Variants in ABLIM1 observed in about 807,000 individuals in gnomAD.
The protein encoded by ABLIM1 is actin binding LIM protein 1, also known as actin-binding LIM protein 1.
A neutral mutation model predicts 107.0 loss-of-function variants in ABLIM1; 40 were observed. The observed-to-expected ratio is 0.37, with a 90% CI of 0.29 to 0.49. The LOEUF is 0.49. Ranked by LOEUF, ABLIM1 falls within the 20% of genes least tolerant of loss-of-function variation. ABLIM1 has a pLI of 0.97. For synonymous variants in ABLIM1, 357 were observed against 357.3 expected (o/e 1.00, Z 0.01); for missense variants, 857 against 1,008.5 (o/e 0.85, Z 2.04).
intron 8 of ABLIM1, chr10:114,485,392 C>G (rs1440350389): frequency 1.9e-6 from 3 of 1,607,436 alleles, no homozygotes; most frequent in Non-Finnish European, 1.7e-6. Flanking sequence ...TGCCATGAAA[C>G]ATGAGAAAAG....
At chr10:114,678,805 G>A (rs550124417) in intron 1 of ABLIM1, among the ~76,000 whole-genome samples, 46 of 152,258 alleles carry the variant, frequency 3.0e-4, no homozygotes, top group African/African-American at 1.0e-3. Flanking sequence ...GGGTTAGATT[G>A]TCTTTTTATT....
In ABLIM1 at chr10:114,450,065, T is replaced by C. The variant is rs1465568093; in HGVS notation, c.1594+1559A>G. 2.3e-5 allele frequency: 9 copies of C among 385,296 alleles called. No homozygotes were observed. In the Admixed American group the frequency reaches 3.3e-4, roughly 14 times the overall value. The allele number at this position is 385,296 out of a possible 1,614,324, so 23.9% of individuals were successfully genotyped here. A position where few individuals can be genotyped will look rare whatever the true frequency, so the allele number is the denominator to read the frequency against. On this transcript the variant is annotated intron_variant, in intron 14 of 22. Coordinates refer to ENST00000533213, the MANE Select transcript of ABLIM1 (RefSeq NM_002313.7). ...CCTAAAGATAGTATTTTTTAAAGCC[T>C]GTAAGTTGACAAATCAAATGCTGAG...
intron 7 of ABLIM1, among the ~76,000 whole-genome samples, chr10:114,490,834 T>C (rs910826730): frequency 6.6e-6 from 1 of 150,758 alleles, no homozygotes; most frequent in Non-Finnish European, 1.5e-5. Flanking sequence ...TTTTTTGTTT[T>C]TTTTCTTCCT....
At chr10:114,581,713 T>C (rs2073401547) in intron 2 of ABLIM1, among the ~76,000 whole-genome samples, 1 of 152,136 alleles carries the variant, frequency 6.6e-6, no homozygotes, top group Non-Finnish European at 1.5e-5. Flanking sequence ...TCTAGCATGC[T>C]GCCAGGTGGT....
chr10:114,606,219 A>G (rs2140108680), intron 1 of ABLIM1, among the ~76,000 whole-genome samples: 1 of 152,194 alleles, frequency 6.6e-6, no homozygotes, highest in African/African-American at 2.4e-5. Context: ...CAAGCCTGTG[A>G]CAGAGTCCAA....
chr10:114,749,956 A>T (rs780837496), intron 1 of ABLIM1, among the ~76,000 whole-genome samples: 3 of 152,132 alleles, frequency 2.0e-5, no homozygotes, highest in Non-Finnish European at 4.4e-5. Flanking sequence ...CATAGCACCC[A>T]TCACTATCTG....
In ABLIM1 at chr10:114,436,253, G is replaced by C; in HGVS notation, c.*7C>G. 3 of 1,605,730 alleles carry C rather than the reference G, an allele frequency of 1.9e-6. No individual in the cohort carries two copies. Among genetic ancestry groups the C allele is most frequent in the Non-Finnish European group, 1.7e-6 (2 of 1,172,554 alleles). On this transcript the variant is annotated 3_prime_UTR_variant, in exon 23 of 23. Transcript: ENST00000533213. ...TCCTTTCTCTAATTGCCATTCACGA[G>C]TGGGACTTAGAAGAGTTTTGCTTTT...
At chr10:114,602,349 G>A (rs1436357218) in intron 1 of ABLIM1, among the ~76,000 whole-genome samples, 1 of 152,218 alleles carries the variant, frequency 6.6e-6, no homozygotes, top group African/African-American at 2.4e-5. Context: ...TGGACTGTAG[G>A]TCCTTGAAGA....
upstream of ABLIM1, among the ~76,000 whole-genome samples, chr10:114,686,839 C>T (rs112321054): frequency 0.034 from 5,224 of 151,872 alleles, 112 homozygotes; most frequent in Non-Finnish European, 0.055. Flanking sequence ...ATTGCCCAGG[C>T]TGGTCTCAAA....
rs550094003 is a variant in ABLIM1, at chr10:114,720,470, A to ACTAATTTACTTTCC, written c.-213+47577_-213+47590dup. On this transcript the variant is annotated intron_variant, in intron 1 of 15. Transcript: ENST00000651092. ...CCACACTGTCTTCCACAATGGTTGA[A>ACTAATTTACTTTCC]CTAATTTACTTTCCCAACAACAGTG... 3.3e-4 allele frequency among the ~76,000 whole-genome samples: 50 copies of ACTAATTTACTTTCC among 152,290 alleles called. No homozygotes were observed. The East Asian group carries it at 7.1e-3, about 22-fold the overall frequency.
intron 6 of ABLIM1, among the ~76,000 whole-genome samples, chr10:114,541,583 T>C (rs1352937470): frequency 6.6e-6 from 1 of 152,164 alleles, no homozygotes; most frequent in African/African-American, 2.4e-5. Flanking sequence ...CAGGACGTTT[T>C]TCTAGCTCAC....
intron 6 of ABLIM1, among the ~76,000 whole-genome samples, chr10:114,529,515 G>T (rs548838277): frequency 6.6e-6 from 1 of 152,268 alleles, no homozygotes; most frequent in Admixed American, 6.5e-5. Context: ...CTGGGATGGG[G>T]TCAAAGAGGA....
intron 1 of ABLIM1, among the ~76,000 whole-genome samples, chr10:114,703,942 T>C (rs1028701386): frequency 3.3e-5 from 5 of 152,168 alleles, no homozygotes; most frequent in South Asian, 2.1e-4. Context: ...GTGAATGTAC[T>C]CACTAAATCT....
upstream of ABLIM1, chr10:114,658,437 CA>C: frequency 3.5e-6 from 2 of 569,368 alleles, no homozygotes; most frequent in Non-Finnish European, 5.4e-6. Context: ...CTTTCAGTCT[CA>C]GACATGAATG....
chr10:114,602,064 T>C (rs2076054366), intron 1 of ABLIM1, 103 bp from the exon 2 acceptor site: 22 of 1,460,092 alleles, frequency 1.5e-5, no homozygotes, highest in Non-Finnish European at 2.0e-5. Context: ...GCCACAGAGA[T>C]TGATTCGACA....
At chr10:114,733,818 C>A (rs1337085669) in intron 1 of ABLIM1, among the ~76,000 whole-genome samples, 4 of 152,094 alleles carry the variant, frequency 2.6e-5, no homozygotes, top group Admixed American at 2.6e-4. Context: ...TTTTAACCAA[C>A]AACTCCAGAT....
At chr10:114,691,731 G>C (rs115709677) in intron 1 of ABLIM1, among the ~76,000 whole-genome samples, 1,739 of 152,286 alleles carry the variant, frequency 0.011, 29 homozygotes, top group African/African-American at 0.039. Context: ...ACTTACTTTA[G>C]TGTGGATTTT....
intron 1 of ABLIM1, among the ~76,000 whole-genome samples, chr10:114,617,355 G>A (rs12360417): frequency 0.094 from 13,924 of 147,724 alleles, 726 homozygotes; most frequent in Middle Eastern, 0.13. Context: ...TCTGCCTCCT[G>A]TGTTCAAGCG....
chr10:114,704,075 TTTTATTTTC>T (rs1470620708), intron 1 of ABLIM1, among the ~76,000 whole-genome samples: 1 of 151,888 alleles, frequency 6.6e-6, no homozygotes, highest in Non-Finnish European at 1.5e-5. Context: ...AGGAATCACT[TTTTATTTTC>T]TTTATTTTCT....
Sources: allele counts gnomAD v4.1 joint callset (sites outside exome capture counted in the v4.1 genomes callset), GRCh38; gene constraint gnomAD v4.1.1; transcripts MANE v1.5; gene names NCBI Gene and HGNC (gene_info 2026-07-23, HGNC 2026-07-21).